Variants in ATP5F1A observed in about 807,000 individuals in gnomAD.
ATP5F1A encodes ATP synthase F1 subunit alpha.
In ATP5F1A, 24 loss-of-function variants were observed where a neutral mutation model predicts 57.4. The observed-to-expected ratio is 0.42, with a 90% confidence interval of 0.30 to 0.59. ATP5F1A has a LOEUF of 0.59. ATP5F1A is among the 20% of genes least tolerant of loss of function. The pLI, the probability that ATP5F1A is intolerant of heterozygous loss-of-function variation, is 0.19. For missense variants in ATP5F1A, 494 were observed against 707.9 expected (o/e 0.70, Z 3.43); for synonymous variants, 251 against 255.5 (o/e 0.98, Z 0.17).
intron 5 of ATP5F1A, among the ~76,000 whole-genome samples, chr18:46,089,108 G>C (rs1334643350): frequency 6.7e-6 from 1 of 150,076 alleles, no homozygotes; most frequent in African/African-American, 2.5e-5. Context: ...CGAGATAGTA[G>C]AGATAGTGAT....
chr18:46,087,930 A>G (rs1910245066), intron 6 of ATP5F1A, 179 bp downstream of exon 6: 1 of 640,726 alleles, frequency 1.6e-6, no homozygotes, highest in South Asian at 2.3e-5. Context: ...CACTTTAAAG[A>G]AACCAACAAA....
intron 2 of ATP5F1A, 58 bp downstream of exon 2, chr18:46,094,991 GATGT>G: frequency 6.6e-7 from 1 of 1,523,738 alleles, no homozygotes; most frequent in Non-Finnish European, 8.8e-7. Flanking sequence ...ACAGTTATAC[GATGT>G]ATGTAATTTA....
chr18:46,095,611 C>T (rs996469287), intron 1 of ATP5F1A, among the ~76,000 whole-genome samples: 4 of 151,732 alleles, frequency 2.6e-5, no homozygotes, highest in African/African-American at 4.8e-5. Flanking sequence ...GCACCGCACC[C>T]GGCTTATTTT....
rs1226810176 is a variant in ATP5F1A, at chr18:46,081,068, T to A, written c.*3214A>T. ...TCACTTGAACCCAGGAGGTGGAGGTTGCAGTGAGCCGAGATCGCGCCATTG... is the reference window on the plus strand; with the variant it reads ...TCACTTGAACCCAGGAGGTGGAGGTAGCAGTGAGCCGAGATCGCGCCATTG... On this transcript the variant is annotated 3_prime_UTR_variant, in exon 12 of 12. Coordinates refer to ENST00000398752, the MANE Select transcript of ATP5F1A (RefSeq NM_004046.6). The A allele has an allele frequency of 7.1e-6, 1 of 141,200 alleles. No individual in the cohort carries two copies. The highest frequency in any genetic ancestry group is 1.5e-5 in the Non-Finnish European group (1 of 66,590). The allele number at this position is 141,200 out of a possible 1,614,324, so 8.7% of individuals were successfully genotyped here.
At chr18:46,098,462 A>C, upstream of ATP5F1A, 2 of 1,292,422 alleles carry the variant, frequency 1.5e-6, no homozygotes, top group Non-Finnish European at 2.0e-6. Flanking sequence ...ATGAATGATT[A>C]GATATATTCC....
intron 8 of ATP5F1A, 97 bp downstream of exon 8, chr18:46,086,911 G>T: frequency 7.6e-7 from 1 of 1,308,234 alleles, no homozygotes; most frequent in Non-Finnish European, 1.0e-6. Flanking sequence ...AAAGTAAAAT[G>T]CATTTAGCAA....
At chr18:46,089,295 C>T (rs548265138) in intron 5 of ATP5F1A, 141 of 410,994 alleles carry the variant, frequency 3.4e-4, no homozygotes, top group African/African-American at 2.5e-3. Context: ...GGCTGGCCCC[C>T]TTCATCTGGT....
In ATP5F1A at chr18:46,095,148, C is replaced by G. The variant is rs756663379; in HGVS notation, c.61-17G>C. On this transcript the variant is annotated splice_polypyrimidine_tract_variant and intron_variant, in intron 1 of 11. Transcript: ENST00000398752. ...TCTGGAGACCTAGTGCAAAAGTATT[C>G]TTAAAAATTTGATTTTTAACAAAGC... 1 of 1,606,630 alleles carries G rather than the reference C, an allele frequency of 6.2e-7. No homozygotes were observed. Among genetic ancestry groups the G allele is most frequent in the Non-Finnish European group, 8.5e-7 (1 of 1,177,850 alleles).
chr18:46,096,445 A>T (rs1910959868), intron 1 of ATP5F1A, among the ~76,000 whole-genome samples: 1 of 146,654 alleles, frequency 6.8e-6, no homozygotes, highest in Non-Finnish European at 1.5e-5. Flanking sequence ...GGTTGTGGTG[A>T]GCCAAGATCG....
At chr18:46,089,477 C>A in intron 5 of ATP5F1A, 89 bp downstream of exon 5, 1 of 1,444,518 alleles carries the variant, frequency 6.9e-7, no homozygotes, top group Non-Finnish European at 9.5e-7. Context: ...CTAATGTCCC[C>A]ATTACCATTT....
chr18:46,089,402 G>T, intron 5 of ATP5F1A, 164 bp downstream of exon 5: 1 of 763,746 alleles, frequency 1.3e-6, no homozygotes, highest in Non-Finnish European at 2.1e-6. Context: ...ATACCCACAG[G>T]TGTGGAGGGG....
In ATP5F1A at chr18:46,086,414, G is replaced by A. The variant is rs750265360; in HGVS notation, c.1257C>T (p.Ser419=). ...GCTTCATAGCCCTGGTTTGGGCAGC[G>A]GATCCGACACGAGATACAGACAGAC... The part of the protein sequence containing the change: ...NVGLSVSRVG[S]AAQTRAMKQV... Residue 419 remains serine, a synonymous_variant, in exon 9 of 12, where the codon TCC becomes TCT. Coordinates refer to ENST00000398752, the MANE Select transcript of ATP5F1A (RefSeq NM_004046.6). The A allele has an allele frequency of 6.1e-5, 99 of 1,613,958 alleles. No homozygotes were observed. The highest frequency in any genetic ancestry group is 1.6e-4 in the Middle Eastern group (1 of 6,084).
chr18:46,092,221 ATAATAAT>A (rs1568250910), intron 2 of ATP5F1A: 1 of 69,720 alleles, frequency 1.4e-5, no homozygotes, highest in African/African-American at 3.6e-5. Flanking sequence ...AATAATAATA[ATAATAAT>A]AAAAATCTGG....
rs1909683607 is a variant in ATP5F1A at position 46,080,526 on chromosome 18, T to C, written c.*3756A>G. 1 of 152,228 alleles carries C rather than the reference T, an allele frequency of 6.6e-6. No homozygotes were observed. Among genetic ancestry groups the C allele is most frequent in the African/African-American group, 2.4e-5 (1 of 41,460 alleles). 9.4% of individuals were successfully genotyped at this position (152,228 alleles called of 1,614,324 possible). On this transcript the variant is annotated 3_prime_UTR_variant, in exon 12 of 12. Coordinates refer to ENST00000398752, the MANE Select transcript of ATP5F1A (RefSeq NM_004046.6). ...GCAGTATTTGAATCTCATGGTTCATTGCTGTAACAGAAAGGGCTGGACTCT... is the reference window on the plus strand; with the variant it reads ...GCAGTATTTGAATCTCATGGTTCATCGCTGTAACAGAAAGGGCTGGACTCT...
In ATP5F1A at chr18:46,083,822, AAAAATACT is replaced by A. The variant is rs1465454234; in HGVS notation, c.*452_*459del. The A allele has an allele frequency of 1.3e-5, 2 of 153,264 alleles. No individual in the cohort carries two copies. The highest frequency in any genetic ancestry group is 4.8e-5 in the African/African-American group (2 of 41,394). 9.5% of individuals were successfully genotyped at this position (153,264 alleles called of 1,614,324 possible). On this transcript the variant is annotated 3_prime_UTR_variant, in exon 12 of 12. Coordinates refer to ENST00000398752, the MANE Select transcript of ATP5F1A (RefSeq NM_004046.6). The stretch of plus-strand genomic sequence containing the variant: ...AACATGGTGAAACCCCGTCTCTACT[AAAAATACT>A]AAAAAACTAGCCAGGCGTGGTGGTG...
chr18:46,084,707 A>G (rs1909956479), intron 10 of ATP5F1A, 53 bp from the exon 11 acceptor site: 1 of 1,482,018 alleles, frequency 6.7e-7, no homozygotes, highest in African/African-American at 1.4e-5. Flanking sequence ...AATGAATGCC[A>G]TGTTACCAAG....
upstream of ATP5F1A, among the ~76,000 whole-genome samples, chr18:46,098,945 A>G (rs8095608): frequency 0.39 from 58,715 of 152,100 alleles, 11,715 homozygotes; most frequent in Middle Eastern, 0.52. Context: ...AAAAATCCTG[A>G]TAACCGGGGG....
chr18:46,098,369 C>T (rs533795020), upstream of ATP5F1A: 2 of 1,069,040 alleles, frequency 1.9e-6, no homozygotes, highest in South Asian at 5.1e-5. Flanking sequence ...TTCACCACCT[C>T]TCCCCCCGCC....
At chr18:46,085,933 CA>C (rs34456835) in intron 10 of ATP5F1A, 179 bp downstream of exon 10, 48,784 of 584,214 alleles carry the variant, frequency 0.084, no homozygotes, top group East Asian at 0.2. Flanking sequence ...AACTTCGTCT[CA>C]AAAAAAAAAA....
Sources: gnomAD v4.1 joint callset for allele counts (sites outside exome capture counted in the v4.1 genomes callset) on GRCh38, gnomAD v4.1.1 for gene constraint, MANE v1.5 for transcripts, NCBI Gene and HGNC (gene_info 2026-07-23, HGNC 2026-07-21) for gene names.